Variants in RGS6 observed in about 807,000 individuals in gnomAD.
RGS6 encodes regulator of G-protein signaling 6.
In RGS6, 30 loss-of-function variants were observed where a neutral mutation model predicts 78.5. The ratio of observed to expected loss-of-function variants is 0.38; its 90% confidence interval spans 0.29 to 0.52. The LOEUF (loss-of-function observed/expected upper bound fraction) is 0.52, where lower values mean the gene tolerates loss of function less well. Among genes scored for constraint, RGS6 ranks in the 20% least tolerant of loss-of-function variants. RGS6 has a pLI of 0.85. For synonymous variants in RGS6, 206 were observed against 206.0 expected, an observed-to-expected ratio of 1.00 and a Z score of 0.00; for missense variants, 495 against 609.7, an observed-to-expected ratio of 0.81 and a Z score of 1.98.
At chr14:72,612,867 AGGCTGAGAGCT>A in the RGS6 span, among the ~76,000 whole-genome samples, 1 of 152,192 alleles carries the variant, frequency 6.6e-6, no homozygotes, top group South Asian at 2.1e-4. Flanking sequence ...GGCTGTGCAG[AGGCTGAGAGCT>A]GGAGGAGCAG....
the RGS6 span, among the ~76,000 whole-genome samples, chr14:71,898,988 A>T: frequency 2.0e-5 from 3 of 152,208 alleles, no homozygotes; most frequent in African/African-American, 7.2e-5. Flanking sequence ...TAAAGCTAAG[A>T]ATAACTCCAA....
chr14:72,283,199 A>G (rs1339897184), intron 2 of RGS6, among the ~76,000 whole-genome samples: 2 of 152,200 alleles, frequency 1.3e-5, no homozygotes, highest in East Asian at 3.8e-4. Context: ...GGTTGTTTCT[A>G]TATCTTGACT....
chr14:72,458,317 C>T lies in RGS6; in HGVS notation c.282C>T (p.Ile94=), dbSNP rs1021942284. ...GCCTTATCGCTGCCCAGGGCTACATCTTTCCAATCTCAGACCATGTTCTCA... is the reference window on the plus strand; with the variant it reads ...GCCTTATCGCTGCCCAGGGCTACATTTTTCCAATCTCAGACCATGTTCTCA... The part of the protein sequence containing the change: ...LGSLIAAQGY[I]FPISDHVLTM... The change falls in exon 5 of 18, where the codon ATC becomes ATT. Residue 94 remains isoleucine, a synonymous_variant. Coordinates refer to ENST00000553525, the MANE Select transcript of RGS6 (RefSeq NM_001204424.2). 2 of 1,614,060 alleles carry T rather than the reference C, an allele frequency of 1.2e-6. No homozygotes were observed. Among genetic ancestry groups the T allele is most frequent in the African/African-American group, 2.7e-5 (2 of 74,936 alleles).
chr14:72,613,776 A>C, the RGS6 span, among the ~76,000 whole-genome samples: 1 of 152,164 alleles, frequency 6.6e-6, no homozygotes, highest in Non-Finnish European at 1.5e-5. Context: ...GTTTCCTGAC[A>C]GCTCTTCCTT....
chr14:72,379,259 C>G (rs1455066155), intron 3 of RGS6, among the ~76,000 whole-genome samples: 1 of 151,946 alleles, frequency 6.6e-6, no homozygotes, highest in Non-Finnish European at 1.5e-5. Context: ...AGCTTTTTCA[C>G]TAAGAACTGG....
intron 2 of RGS6, among the ~76,000 whole-genome samples, chr14:72,060,780 GT>G (rs1183563450): frequency 6.6e-6 from 1 of 152,124 alleles, no homozygotes; most frequent in Non-Finnish European, 1.5e-5. Context: ...GGAGCTTTTG[GT>G]TGTTATTGGT....
intron 2 of RGS6, among the ~76,000 whole-genome samples, chr14:72,231,603 G>C (rs1433311135): frequency 2.6e-5 from 4 of 152,216 alleles, no homozygotes; most frequent in Non-Finnish European, 5.9e-5. Context: ...GTGTTATGAA[G>C]AATAGTAAAG....
chr14:72,092,254 A>G (rs1179966259), intron 2 of RGS6, among the ~76,000 whole-genome samples: 1 of 151,642 alleles, frequency 6.6e-6, no homozygotes, highest in African/African-American at 2.4e-5. Flanking sequence ...TCAACTCCTG[A>G]CCTCAAGTGA....
At chr14:72,090,731 G>T (rs2095241397) in intron 2 of RGS6, among the ~76,000 whole-genome samples, 1 of 152,194 alleles carries the variant, frequency 6.6e-6, no homozygotes. Context: ...AGGGAAAGTA[G>T]GACAGTTGCC....
intron 2 of RGS6, among the ~76,000 whole-genome samples, chr14:72,119,178 G>C (rs1029519948): frequency 1.5e-4 from 23 of 152,164 alleles, no homozygotes; most frequent in African/African-American, 5.3e-4. Context: ...GGAAGGGAAG[G>C]AATAACATCT....
At chr14:72,548,381 C>A (rs1421912580) in intron 17 of RGS6, among the ~76,000 whole-genome samples, 1 of 150,610 alleles carries the variant, frequency 6.6e-6, no homozygotes, top group East Asian at 1.9e-4. Flanking sequence ...GTTTTAAATT[C>A]AGTTTCCCAA....
chr14:72,301,089 G>A (rs565327900), intron 2 of RGS6, among the ~76,000 whole-genome samples: 1 of 152,308 alleles, frequency 6.6e-6, no homozygotes, highest in East Asian at 1.9e-4. Context: ...TGATAGCTTG[G>A]CTTGTGTGAA....
At chr14:72,202,058 G>T (rs2041694509) in intron 2 of RGS6, among the ~76,000 whole-genome samples, 1 of 152,134 alleles carries the variant, frequency 6.6e-6, no homozygotes, top group African/African-American at 2.4e-5. Flanking sequence ...GACACATTTG[G>T]ATTTAAATTG....
chr14:72,098,271 G>A (rs1453195642), intron 2 of RGS6, among the ~76,000 whole-genome samples: 1 of 152,194 alleles, frequency 6.6e-6, no homozygotes. Context: ...GTACCTTGAT[G>A]TCACAGCATT....
chr14:72,402,804 T>G (rs1412131551), intron 3 of RGS6, among the ~76,000 whole-genome samples: 5 of 141,876 alleles, frequency 3.5e-5, no homozygotes, highest in Non-Finnish European at 6.1e-5. Context: ...TTTTTTTTTT[T>G]TTTTTTTTTT....
At chr14:72,092,452 G>C (rs1031218044) in intron 2 of RGS6, among the ~76,000 whole-genome samples, 4 of 151,924 alleles carry the variant, frequency 2.6e-5, no homozygotes, top group African/African-American at 9.7e-5. Flanking sequence ...CACAATCTCA[G>C]CTCACTGCAA....
At chr14:72,535,496 A>G (rs117948410) in intron 15 of RGS6, among the ~76,000 whole-genome samples, 3 of 152,350 alleles carry the variant, frequency 2.0e-5, no homozygotes, top group Non-Finnish European at 2.9e-5. Flanking sequence ...AAACTATAGT[A>G]CCATATCACA....
At chr14:72,353,493 G>C (rs1050213657) in intron 3 of RGS6, among the ~76,000 whole-genome samples, 3 of 152,114 alleles carry the variant, frequency 2.0e-5, no homozygotes, top group Non-Finnish European at 4.4e-5. Context: ...GTGATTTCAG[G>C]TATACAGCAT....
At chr14:71,989,663 A>G (rs755767278) in intron 2 of RGS6, among the ~76,000 whole-genome samples, 3 of 152,138 alleles carry the variant, frequency 2.0e-5, no homozygotes, top group Admixed American at 6.5e-5. Flanking sequence ...ACTACTTCCC[A>G]TGGGCCAGGT....
Sources: allele counts gnomAD v4.1 joint callset (sites outside exome capture counted in the v4.1 genomes callset), GRCh38; gene constraint gnomAD v4.1.1; transcripts MANE v1.5; gene names NCBI Gene and HGNC (gene_info 2026-07-23, HGNC 2026-07-21).